The following SNAPC4 variants were observed in gnomAD, a reference collection of about 807,000 sequenced individuals.
The protein encoded by SNAPC4 is snRNA-activating protein complex subunit 4.
Under a neutral mutation model 151.3 loss-of-function variants are expected in SNAPC4, and 127 were observed. The ratio of observed to expected loss-of-function variants is 0.84; its 90% CI spans 0.73 to 0.97. SNAPC4 has a LOEUF of 0.97. Ranked by LOEUF, SNAPC4 falls within the 50% of genes least tolerant of loss-of-function variation. The pLI is 0.00. For missense variants in SNAPC4, 2,186 were observed against 1,935.0 expected, an observed-to-expected ratio of 1.13 and a Z score of -2.43; for synonymous variants, 1,002 against 824.4, an observed-to-expected ratio of 1.22 and a Z score of -3.69.
In SNAPC4 at chr9:136,382,252, C is replaced by T; in HGVS notation, c.2067+1G>A. The T allele has an allele frequency of 6.2e-7, 1 of 1,612,478 alleles. No homozygotes were observed. On this transcript the variant is annotated splice_donor_variant, in intron 17 of 23. Coordinates refer to ENST00000684778, the MANE Select transcript of SNAPC4 (RefSeq NM_003086.4). LOFTEE classifies it high-confidence loss of function. ...GCGTGGGTGTCTGCAGCAGGCCTCACCTGTGTGCAGCTCCGAGCAGCCGTG... is the reference window on the plus strand; with the variant it reads ...GCGTGGGTGTCTGCAGCAGGCCTCATCTGTGTGCAGCTCCGAGCAGCCGTG...
chr9:136,382,070 C>T lies in SNAPC4; in HGVS notation c.2071G>A (p.Glu691Lys). 1 of 1,584,126 alleles carries T rather than the reference C, an allele frequency of 6.3e-7. No individual in the cohort carries two copies. Among genetic ancestry groups the T allele is most frequent in the Non-Finnish European group, 8.6e-7 (1 of 1,165,348 alleles). The change falls in exon 18 of 24, where the codon GAG becomes AAG. Residue 691 changes from glutamate (E) to lysine (K), a missense_variant. Glu to Lys is a moderately conservative substitution (Grantham distance 56). Transcript: ENST00000684778. ...NTAARSCTQK[E>K]QLRQPPLPTS... ...GGCAGGGGTGGCTGCCTCAGCTGCTCTTTCTGTAAGGAGAAGGCAGCACCT... is the reference window on the plus strand; with the variant it reads ...GGCAGGGGTGGCTGCCTCAGCTGCTTTTTCTGTAAGGAGAAGGCAGCACCT...
In SNAPC4 at chr9:136,381,403, AGG is replaced by A. The variant is rs746063557; in HGVS notation, c.2318-13_2318-12del. ...CCCTGAGGCCATCCGCTGCGGGCAC[AGG>A]GGGATAAGTGGAAAGCAGCCCCAGC... On this transcript the variant is annotated splice_polypyrimidine_tract_variant and intron_variant, in intron 18 of 23. Coordinates refer to ENST00000684778, the MANE Select transcript of SNAPC4 (RefSeq NM_003086.4). The A allele has an allele frequency of 1.2e-6, 2 of 1,610,734 alleles. No individual in the cohort carries two copies. Among genetic ancestry groups the A allele is most frequent in the Non-Finnish European group, 1.7e-6 (2 of 1,178,268 alleles).
chr9:136,378,886 G>T lies in SNAPC4; in HGVS notation c.2941C>A (p.Leu981Ile). 1 of 1,611,406 alleles carries T rather than the reference G, an allele frequency of 6.2e-7. No individual in the cohort carries two copies. Among genetic ancestry groups the T allele is most frequent in the Non-Finnish European group, 8.5e-7 (1 of 1,179,602 alleles). The change falls in exon 22 of 24, where the codon CTC becomes ATC. Residue 981 changes from leucine to isoleucine, a missense_variant. Coordinates refer to ENST00000684778, the MANE Select transcript of SNAPC4 (RefSeq NM_003086.4). ...AGGGGCAGGGCTTGCATGGTGGAGA[G>T]TCTCTTGTCCTTGGCTGAAGTCCCA... ...EAGTSAKDKR[L>I]STMQALPLAP... is the part of the protein sequence containing the mutation.
rs759078912 is a variant in SNAPC4, at chr9:136,377,718, G to A, written c.4109C>T (p.Ala1370Val). The A allele has an allele frequency of 1.9e-6, 3 of 1,608,934 alleles. No homozygotes were observed. Among genetic ancestry groups the A allele is most frequent in the Non-Finnish European group, 1.7e-6 (2 of 1,177,382 alleles). Residue 1370 changes from alanine to valine, a missense_variant, in exon 22 of 24, where the codon GCA (alanine) becomes GTA (valine). Physicochemically the swap from Ala to Val is moderately conservative, Grantham distance 64. Coordinates refer to ENST00000684778, the MANE Select transcript of SNAPC4 (RefSeq NM_003086.4). ...AYLLLRARFLAAFTLPALLAT... is the reference protein window; with the variant it reads ...AYLLLRARFLVAFTLPALLAT... ...CAGGAGCGCAGGGAGGGTGAAGGCT[G>A]CCAGGAACCGCGCCCGCAACAGGAG...
rs746705123 is a variant in SNAPC4, at chr9:136,398,352, G to A, written c.77C>T (p.Ser26Leu). 1.5e-5 allele frequency: 25 copies of A among 1,613,794 alleles called. No homozygotes were observed. The highest frequency in any genetic ancestry group is 1.6e-4 in the Middle Eastern group (1 of 6,080). The stretch of plus-strand genomic sequence containing the variant: ...TTCTGAGATCTCCACGTGGGAGCCC[G>A]AGGAGCCGGGATCCAAAATCCTTTC... ...ELERILDPGS[S>L]GSHVEISESS... The change falls in exon 2 of 24, where the codon TCG (serine) becomes TTG (leucine). Residue 26 changes from serine to leucine, a missense_variant. Physicochemically the swap from Ser to Leu is moderately radical, Grantham distance 145 (BLOSUM62 -2). Transcript: ENST00000684778.
rs1249662476 is a variant in SNAPC4 at position 136,400,166 on chromosome 9, A to G, written c.-42T>C. 6.6e-6 allele frequency: 1 copy of G among 151,414 alleles called. No homozygotes were observed. The highest frequency in any genetic ancestry group is 2.1e-4 in the South Asian group (1 of 4,758). The allele number at this position is 151,414 out of a possible 1,614,324, so 9.4% of individuals were successfully genotyped here. On this transcript the variant is annotated 5_prime_UTR_variant, in exon 1 of 24. Coordinates refer to ENST00000684778, the MANE Select transcript of SNAPC4 (RefSeq NM_003086.4). ...CGCGGACCCCGCCGTCGCCCGGGCG[A>G]CTGCAGACTCGACGCTTCCGGCGGC...
In SNAPC4 at chr9:136,378,196, C is replaced by T. The variant is rs1395223423; in HGVS notation, c.3631G>A (p.Gly1211Ser). ...PWSGRLPAFG[G>S]VIPATEPRGT... ...CTTGGCTCAGTTGCTGGGATGACAC[C>T]ACCGAAGGCTGGCAGCCTCCCGGAC... Residue 1211 changes from glycine to serine, a missense_variant, in exon 22 of 24, where the codon GGT becomes AGT. Gly to Ser is a moderately conservative substitution (Grantham distance 56, BLOSUM62 0). Transcript: ENST00000684778. 6.2e-7 allele frequency: 1 copy of T among 1,612,192 alleles called. No homozygotes were observed. Among genetic ancestry groups the T allele is most frequent in the Non-Finnish European group, 8.5e-7 (1 of 1,179,786 alleles).
At chr9:136,397,180 C>A (rs189559843) in intron 2 of SNAPC4, among the ~76,000 whole-genome samples, 157 bp from the exon 3 acceptor site, 1 of 152,124 alleles carries the variant, frequency 6.6e-6, no homozygotes, top group Non-Finnish European at 1.5e-5. Context: ...TCCCTGACAG[C>A]GGGGTGGGCA....
intron 20 of SNAPC4, among the ~76,000 whole-genome samples, chr9:136,380,136 C>T (rs1018441469): frequency 3.3e-5 from 5 of 152,190 alleles, no homozygotes; most frequent in South Asian, 4.1e-4. Flanking sequence ...GCTCCTGAAC[C>T]GCAGGCTGCT....
Position 136,387,591 on chromosome 9 carries a change from G to A in SNAPC4, c.1231-12C>T, listed in dbSNP as rs559595481. The A allele has an allele frequency of 9.9e-5, 158 of 1,597,380 alleles. 2 individuals are homozygous for A. In the South Asian group the frequency reaches 1.7e-3, roughly 17 times the overall value. ...GCTTGAAGCAACTTCTGCAGGAAGGGACAGGCAGACAAGTGAAGCCTCTGC... is the reference window on the plus strand; with the variant it reads ...GCTTGAAGCAACTTCTGCAGGAAGGAACAGGCAGACAAGTGAAGCCTCTGC... On this transcript the variant is annotated splice_polypyrimidine_tract_variant and intron_variant, in intron 12 of 23. Coordinates refer to ENST00000684778, the MANE Select transcript of SNAPC4 (RefSeq NM_003086.4).
At chr9:136,392,398 T>TGG in intron 9 of SNAPC4, 124 bp downstream of exon 9, 1 of 996,086 alleles carries the variant, frequency 1.0e-6, no homozygotes, top group Non-Finnish European at 1.6e-6. Context: ...CCCGGGTGGG[T>TGG]GGGGGGTCAC....
At chr9:136,382,558 G>GC (rs1189592628) in intron 16 of SNAPC4, among the ~76,000 whole-genome samples, 2 of 152,324 alleles carry the variant, frequency 1.3e-5, no homozygotes, top group Admixed American at 6.5e-5. Context: ...AGGGTCCCAT[G>GC]CCCCCCAGCC....
At chr9:136,392,396 G>T in intron 9 of SNAPC4, 126 bp downstream of exon 9, 1 of 981,282 alleles carries the variant, frequency 1.0e-6, no homozygotes, top group Non-Finnish European at 1.6e-6. Context: ...GACCCGGGTG[G>T]GTGGGGGGTC....
rs201228463 is a variant in SNAPC4 at position 136,391,997 on chromosome 9, G to C, written c.920C>G (p.Ala307Gly). Residue 307 changes from alanine to glycine, a missense_variant, in exon 10 of 24, where the codon GCG becomes GGG. Ala to Gly is a moderately conservative substitution (Grantham distance 60, BLOSUM62 0). Coordinates refer to ENST00000684778, the MANE Select transcript of SNAPC4 (RefSeq NM_003086.4). ...CAGGTGGCCGTGTGCAGCCGCGATCGCCTGCAGCCGCTCCTCCTCCTCCCT... is the reference window on the plus strand; with the variant it reads ...CAGGTGGCCGTGTGCAGCCGCGATCCCCTGCAGCCGCTCCTCCTCCTCCCT... ...WSREEEERLQAIAAAHGHLEW... is the reference protein window; with the variant it reads ...WSREEEERLQGIAAAHGHLEW... 3.5e-5 allele frequency: 56 copies of C among 1,609,744 alleles called. No individual in the cohort carries two copies. Among genetic ancestry groups the C allele is most frequent in the Non-Finnish European group, 4.6e-5 (54 of 1,179,968 alleles).
chr9:136,395,761 T>C lies in SNAPC4; in HGVS notation c.187A>G (p.Arg63Gly). The C allele has an allele frequency of 6.2e-7, 1 of 1,610,806 alleles. No homozygotes were observed. Among genetic ancestry groups the C allele is most frequent in the Non-Finnish European group, 8.5e-7 (1 of 1,177,968 alleles). ...PADPPISEEERWGEASNDEDD... is the reference protein window; with the variant it reads ...PADPPISEEEGWGEASNDEDD... ...TCGTCATTGCTGGCTTCGCCCCACCTTTCTTCTTCCTGGTAACGAGCCAGA... is the reference window on the plus strand; with the variant it reads ...TCGTCATTGCTGGCTTCGCCCCACCCTTCTTCTTCCTGGTAACGAGCCAGA... Residue 63 changes from arginine to glycine, a missense_variant, in exon 4 of 24, where the codon AGG (arginine) becomes GGG (glycine). Transcript: ENST00000684778.
At position 136,378,151 on chromosome 9, in the gene SNAPC4, AG is replaced by A; in HGVS notation, c.3675del (p.Ser1226GlnfsTer181). On this transcript the variant is annotated frameshift_variant, in exon 22 of 24. Transcript: ENST00000684778. LOFTEE classifies it high-confidence loss of function. ...ATEPRGTPGS[P>X]SGTQEPRGPL... is the part of the protein sequence containing the mutation. ...GGCCCCCTGGGCTCCTGTGTCCCTGAGGGGGACCCCGGCGTCCCCCTTGGCT... is the reference window on the plus strand; with the variant it reads ...GGCCCCCTGGGCTCCTGTGTCCCTGAGGGGACCCCGGCGTCCCCCTTGGCT... 2 of 1,610,292 alleles carry A rather than the reference AG, an allele frequency of 1.2e-6. No individual in the cohort carries two copies. Among genetic ancestry groups the A allele is most frequent in the South Asian group, 2.2e-5 (2 of 90,662 alleles).
Position 136,383,529 on chromosome 9 carries a change from G to T in SNAPC4, c.1640C>A (p.Pro547Gln). 6.3e-7 allele frequency: 1 copy of T among 1,594,260 alleles called. No homozygotes were observed. Among genetic ancestry groups the T allele is most frequent in the East Asian group, 2.3e-5 (1 of 43,758 alleles). The stretch of plus-strand genomic sequence containing the variant: ...ACCCTCCCCGGCCTGCGCCTGCTCT[G>T]GCTCGTCCTCCTCGCTGCTGCTGCT... ...SSSSSSEEDE[P>Q]EQAQAGEGDR... is the part of the protein sequence containing the mutation. The change falls in exon 16 of 24, where the codon CCA becomes CAA. Residue 547 changes from proline (P) to glutamine (Q), a missense_variant. By Grantham distance (76) the Pro-to-Gln change is moderately conservative. Coordinates refer to ENST00000684778, the MANE Select transcript of SNAPC4 (RefSeq NM_003086.4). The surrounding 1 kb of genome is among the most constrained non-coding windows in gnomAD (Gnocchi z 4.2).
At position 136,378,211 on chromosome 9, in the gene SNAPC4, G is replaced by A. The variant is rs139743354; in HGVS notation, c.3616C>T (p.Leu1206=). The A allele has an allele frequency of 6.1e-5, 99 of 1,611,890 alleles. No homozygotes were observed. The highest frequency in any genetic ancestry group is 7.8e-5 in the Non-Finnish European group (92 of 1,179,692). The part of the protein sequence containing the change: ...PEAEPPWSGR[L]PAFGGVIPAT... ...GGGATGACACCACCGAAGGCTGGCA[G>A]CCTCCCGGACCAAGGGGGTTCTGCT... The change falls in exon 22 of 24, where the codon CTG becomes TTG. Residue 1206 remains leucine (L), a synonymous_variant. Coordinates refer to ENST00000684778, the MANE Select transcript of SNAPC4 (RefSeq NM_003086.4).
At chr9:136,396,774 T>C (rs867538563) in intron 3 of SNAPC4, among the ~76,000 whole-genome samples, 20 of 152,130 alleles carry the variant, frequency 1.3e-4, no homozygotes, top group Admixed American at 6.5e-5. Flanking sequence ...ACCCAAGGGG[T>C]GTGATCACCA....
Sources: allele counts gnomAD v4.1 joint callset (sites outside exome capture counted in the v4.1 genomes callset), GRCh38; gene constraint gnomAD v4.1.1; non-coding constraint Gnocchi (gnomAD v3.1); transcripts MANE v1.5; gene names NCBI Gene and HGNC (gene_info 2026-07-23, HGNC 2026-07-21).